Variants in NPEPPS observed in about 807,000 individuals in gnomAD.
NPEPPS encodes the protein puromycin-sensitive aminopeptidase.
In NPEPPS, 14 loss-of-function variants were observed where a neutral mutation model predicts 115.5. The ratio of observed to expected loss-of-function variants is 0.12; its 90% CI spans 0.08 to 0.19. The LOEUF is 0.19. Ranked by LOEUF, NPEPPS falls within the 10% of genes least tolerant of loss-of-function variation. NPEPPS has a pLI of 1.00. For missense variants in NPEPPS, 523 were observed against 1,110.8 expected, an observed-to-expected ratio of 0.47 and a Z score of 7.52; for synonymous variants, 285 against 390.6, an observed-to-expected ratio of 0.73 and a Z score of 3.19.
intron 1 of NPEPPS, among the ~76,000 whole-genome samples, chr17:47,544,230 T>TA (rs1424865751): frequency 6.6e-6 from 1 of 152,130 alleles, no homozygotes; most frequent in East Asian, 1.9e-4. Context: ...GGGGTCTCTC[T>TA]ACTCTCTATG....
At chr17:47,574,428 C>T (rs1274879635) in intron 3 of NPEPPS, among the ~76,000 whole-genome samples, 2 of 151,852 alleles carry the variant, frequency 1.3e-5, no homozygotes, top group East Asian at 3.8e-4. Context: ...CTATATTTAT[C>T]AAAAGGAATC....
rs760673351 is a variant in NPEPPS, at chr17:47,621,942, C to T, written c.*22C>T. Reference sequence around the variant, plus strand: ...GTGAATCCTGAGGTGCCGCCATTGGCGGTTCTGCTGCTTCGCTGCAGGGAT... The same window carrying T: ...GTGAATCCTGAGGTGCCGCCATTGGTGGTTCTGCTGCTTCGCTGCAGGGAT... On this transcript the variant is annotated 3_prime_UTR_variant, in exon 23 of 23. Transcript: ENST00000322157. 67 of 1,595,384 alleles carry T rather than the reference C, an allele frequency of 4.2e-5. No individual in the cohort carries two copies. The highest frequency in any genetic ancestry group is 1.9e-4 in the Middle Eastern group (1 of 5,166).
intron 3 of NPEPPS, among the ~76,000 whole-genome samples, chr17:47,574,485 A>T (rs1408320585): frequency 2.0e-5 from 3 of 152,222 alleles, no homozygotes; most frequent in Non-Finnish European, 4.4e-5. Flanking sequence ...AGAAACTTCT[A>T]ACATGATAGA....
Position 47,531,486 on chromosome 17 carries a change from C to T in NPEPPS, c.186C>T (p.Asn62=), listed in dbSNP as rs773428371. The T allele has an allele frequency of 9.3e-6, 15 of 1,608,390 alleles. No individual in the cohort carries two copies. The highest frequency in any genetic ancestry group is 1.3e-5 in the Non-Finnish European group (15 of 1,178,384). ...ERLPADVSPI[N]YSLCLKPDLL... is the part of the protein sequence containing the mutation. ...TGCCTGCCGATGTCTCCCCCATCAA[C>T]TACAGCCTTTGCCTCAAGCCCGACT... The change falls in exon 1 of 23, where the codon AAC becomes AAT. Residue 62 remains asparagine (N), a synonymous_variant. Transcript: ENST00000322157.
At chr17:47,563,094 TGATC>T (rs1174889633) in intron 2 of NPEPPS, among the ~76,000 whole-genome samples, 2 of 150,718 alleles carry the variant, frequency 1.3e-5, no homozygotes, top group Non-Finnish European at 3.0e-5. Flanking sequence ...TGCAGTGGCG[TGATC>T]TCAATTCACT....
intron 1 of NPEPPS, among the ~76,000 whole-genome samples, chr17:47,537,883 G>GTTTTTTTTT (rs760897436): frequency 7.0e-6 from 1 of 141,856 alleles, no homozygotes; most frequent in African/African-American, 2.6e-5. Context: ...TTTCATATCT[G>GTTTTTTTTT]TTTTTTTTTT....
Position 47,623,241 on chromosome 17 carries a change from C to T in NPEPPS, c.*1321C>T, listed in dbSNP as rs564754336. The T allele has an allele frequency of 8.8e-4, 153 of 174,648 alleles. No individual in the cohort carries two copies. The highest frequency in any genetic ancestry group is 1.4e-3 in the Non-Finnish European group (117 of 82,182). The allele number at this position is 174,648 out of a possible 1,614,324, so 10.8% of individuals were successfully genotyped here. A position where few individuals can be genotyped will look rare whatever the true frequency, so the allele number is the denominator to read the frequency against. On this transcript the variant is annotated 3_prime_UTR_variant, in exon 23 of 23. Coordinates refer to ENST00000322157, the MANE Select transcript of NPEPPS (RefSeq NM_006310.4). ...TTGTTTTAAAAAAATAATTAAAAAA[C>T]AGTTGGCGTTAATAAAAATGTCAAT... is the stretch of plus-strand genomic sequence containing the variant.
At chr17:47,544,681 A>G (rs898586742) in intron 1 of NPEPPS, among the ~76,000 whole-genome samples, 2 of 145,146 alleles carry the variant, frequency 1.4e-5, no homozygotes, top group Non-Finnish European at 3.0e-5. Flanking sequence ...TTATGGGCCT[A>G]TGCCACCTTG....
At chr17:47,558,408 C>A (rs3968306) in intron 2 of NPEPPS, among the ~76,000 whole-genome samples, 2 of 147,386 alleles carry the variant, frequency 1.4e-5, no homozygotes, top group Non-Finnish European at 3.0e-5. Context: ...GATTACAGGC[C>A]TGAGCCACCA....
chr17:47,581,210 C>G (rs1434494604), intron 4 of NPEPPS: 1 of 151,930 alleles, frequency 6.6e-6, no homozygotes, highest in Non-Finnish European at 1.5e-5. Flanking sequence ...TTTCTTCCTG[C>G]TTGCTTGTTA....
At chr17:47,556,639 A>G (rs569676899) in intron 2 of NPEPPS, among the ~76,000 whole-genome samples, 2,429 of 152,024 alleles carry the variant, frequency 0.016, 52 homozygotes, top group African/African-American at 0.054. Flanking sequence ...GGGGCTCCTC[A>G]CTTCCCAGAA....
At chr17:47,556,890 C>T (rs527573493) in intron 2 of NPEPPS, among the ~76,000 whole-genome samples, 1 of 152,338 alleles carries the variant, frequency 6.6e-6, no homozygotes, top group East Asian at 1.9e-4. Flanking sequence ...GATCCACCTG[C>T]CGTGGTCTCC....
rs1446489014 is a variant in NPEPPS, at chr17:47,618,301, A to T, written c.2296-49A>T. ...AGAAGCTCATATAATCATATGCAGA[A>T]CATCCAAGGGAGAGTTAACTATTCC... On this transcript the variant is annotated intron_variant, in intron 19 of 22. Transcript: ENST00000322157. 2.4e-6 allele frequency: 3 copies of T among 1,244,414 alleles called. No individual in the cohort carries two copies. In the African/African-American group the frequency reaches 4.4e-5, roughly 18 times the overall value. 77.1% of individuals were successfully genotyped at this position (1,244,414 alleles called of 1,614,324 possible). A position where few individuals can be genotyped will look rare whatever the true frequency, so the allele number is the denominator to read the frequency against.
chr17:47,614,126 C>T (rs986862640), intron 19 of NPEPPS, among the ~76,000 whole-genome samples: 2 of 151,924 alleles, frequency 1.3e-5, no homozygotes, highest in Admixed American at 6.6e-5. Flanking sequence ...GTGTGATAAC[C>T]GCATCCAGCT....
At chr17:47,539,532 G>A (rs894239531) in intron 1 of NPEPPS, among the ~76,000 whole-genome samples, 1 of 151,966 alleles carries the variant, frequency 6.6e-6, no homozygotes, top group African/African-American at 2.4e-5. Context: ...TTTTTTTGGG[G>A]GGGGAATAAA....
intron 1 of NPEPPS, among the ~76,000 whole-genome samples, chr17:47,545,028 TCTCA>T (rs1909095685): frequency 6.6e-6 from 1 of 150,454 alleles, no homozygotes; most frequent in South Asian, 2.1e-4. Flanking sequence ...TGAGACAGAG[TCTCA>T]CTCTGTTGTT....
At chr17:47,579,558 T>G (rs1271798405) in intron 4 of NPEPPS, 47 bp downstream of exon 4, 9 of 1,536,928 alleles carry the variant, frequency 5.9e-6, no homozygotes, top group Non-Finnish European at 7.9e-6. Flanking sequence ...AAATTAGGCA[T>G]TCTGACAAAG....
At position 47,605,417 on chromosome 17, in the gene NPEPPS, G is replaced by A. The variant is rs1418122853; in HGVS notation, c.1960G>A (p.Asp654Asn). The part of the protein sequence containing the change: ...VNEPNYTVWS[D>N]LSCNLGILST... ...TGAGCCCAATTATACTGTATGGAGC[G>A]ACCTGAGCTGTAACCTGGGGATTCT... The change falls in exon 17 of 23, where the codon GAC becomes AAC. Residue 654 changes from aspartate to asparagine, a missense_variant. Asp to Asn is a conservative substitution (Grantham distance 23). Around this residue, in one of 4 missense-constraint regions of NPEPPS, gnomAD observed 372 missense variants for 542.6 expected, o/e 0.69. Transcript: ENST00000322157. The A allele has an allele frequency of 3.1e-6, 5 of 1,610,554 alleles. No homozygotes were observed. The highest frequency in any genetic ancestry group is 2.2e-5 in the East Asian group (1 of 44,842).
In NPEPPS at chr17:47,610,845, CTTTTTTTT is replaced by C. The variant is rs59893483; in HGVS notation, c.2096-1596_2096-1589del. 5.0e-3 allele frequency among the ~76,000 whole-genome samples: 496 copies of C among 100,082 alleles called. 4 individuals carry two copies. The highest frequency in any genetic ancestry group is 0.019 in the African/African-American group (459 of 23,998). The allele number at this position is 100,082 out of a possible 152,430, so 65.7% of individuals were successfully genotyped here. A position where few individuals can be genotyped will look rare whatever the true frequency, so the allele number is the denominator to read the frequency against. On this transcript the variant is annotated intron_variant, in intron 17 of 22. Coordinates refer to ENST00000322157, the MANE Select transcript of NPEPPS (RefSeq NM_006310.4). The stretch of plus-strand genomic sequence containing the variant: ...GAAATTGCTGAGTCATATGATGACT[CTTTTTTTT>C]TTTTTTTTTTTTTTTTTTGAGATGG...
Sources: gnomAD v4.1 joint callset for allele counts (sites outside exome capture counted in the v4.1 genomes callset) on GRCh38, gnomAD v4.1.1 for gene constraint, gnomAD v4.1.1 regional missense constraint, MANE v1.5 for transcripts, NCBI Gene and HGNC (gene_info 2026-07-23, HGNC 2026-07-21) for gene names.